Variants in HPCAL1 observed in about 807,000 individuals in gnomAD.
HPCAL1 encodes the protein hippocalcin like 1.
In HPCAL1, 8 loss-of-function variants were observed where a neutral mutation model predicts 17.1. That is an observed-to-expected ratio of 0.47 (90% confidence interval 0.27 to 0.84). The LOEUF is 0.84. Ranked by LOEUF, HPCAL1 falls within the 40% of genes least tolerant of loss-of-function variation. The pLI is 0.13. For synonymous variants in HPCAL1, 112 were observed against 111.4 expected (o/e 1.01, Z -0.03); for missense variants, 165 against 271.1 (o/e 0.61, Z 2.75).
intron 1 of HPCAL1, among the ~76,000 whole-genome samples, chr2:10,337,060 T>C (rs1010699518): frequency 6.6e-6 from 1 of 152,108 alleles, no homozygotes; most frequent in Non-Finnish European, 1.5e-5. Flanking sequence ...GCAGGAACAA[T>C]ATACCTCTTA....
chr2:10,382,823 C>T (rs568363821), intron 1 of HPCAL1, among the ~76,000 whole-genome samples: 20 of 152,296 alleles, frequency 1.3e-4, no homozygotes, highest in African/African-American at 4.8e-4. Context: ...CACAGCAAAC[C>T]AGCCGTGAAG....
intron 2 of HPCAL1, among the ~76,000 whole-genome samples, chr2:10,404,671 A>G (rs1363149423): frequency 6.6e-6 from 1 of 152,212 alleles, no homozygotes; most frequent in Middle Eastern, 3.2e-3. Flanking sequence ...CAGTTCTTGC[A>G]TCTTGGACCG....
chr2:10,308,879 A>G (rs1216004025), intron 1 of HPCAL1, among the ~76,000 whole-genome samples: 2 of 152,206 alleles, frequency 1.3e-5, no homozygotes, highest in Non-Finnish European at 2.9e-5. Context: ...GCAAATCAAA[A>G]ACAAAAACAA....
Position 10,384,034 on chromosome 2 carries a change from C to T in HPCAL1, c.-110-12801C>T, listed in dbSNP as rs1668146493. On this transcript the variant is annotated intron_variant, in intron 1 of 4. Coordinates refer to ENST00000307845, the MANE Select transcript of HPCAL1 (RefSeq NM_002149.4). This position sits in a 1 kb window ranked among gnomAD's most constrained non-coding sequence, Gnocchi z 4.4. ...CATCGCGTACACACACACACCCACA[C>T]ACACACACACCTTTTGCTGGTGGCT... 6.6e-6 allele frequency among the ~76,000 whole-genome samples: 1 copy of T among 151,562 alleles called. No individual in the cohort carries two copies. The highest frequency in any genetic ancestry group is 1.5e-5 in the Non-Finnish European group (1 of 67,914).
intron 2 of HPCAL1, among the ~76,000 whole-genome samples, chr2:10,410,424 T>TTTC (rs1321391966): frequency 7.0e-5 from 10 of 142,018 alleles, no homozygotes; most frequent in Non-Finnish European, 1.1e-4. Context: ...TGTTCCTCTT[T>TTTC]TTCTTCTTCT....
Position 10,392,201 on chromosome 2 carries a change from C to T in HPCAL1, c.-110-4634C>T, listed in dbSNP as rs192603926. ...GGGACTACCCCCATGCACCACCATG[C>T]CTAGCTTGTTTATTTATTTAGTAGC... On this transcript the variant is annotated intron_variant, in intron 1 of 4. Transcript: ENST00000307845. Among the ~76,000 whole-genome samples, 225 of 152,014 alleles carry T rather than the reference C, an allele frequency of 1.5e-3. 2 individuals carry two copies. Among genetic ancestry groups the T allele is most frequent in the Admixed American group, 0.013 (202 of 15,266 alleles).
At chr2:10,315,396 G>A (rs770668998) in intron 1 of HPCAL1, among the ~76,000 whole-genome samples, 13 of 152,086 alleles carry the variant, frequency 8.5e-5, no homozygotes, top group East Asian at 5.8e-4. Context: ...AAATGTTAAC[G>A]GTGGTTGTAT....
chr2:10,415,713 C>CG (rs1318933832), intron 2 of HPCAL1, among the ~76,000 whole-genome samples: 5 of 152,138 alleles, frequency 3.3e-5, no homozygotes, highest in Non-Finnish European at 2.9e-5. Flanking sequence ...CCCTGTTATT[C>CG]GGGGGGAGTC....
rs560832288 is a variant in HPCAL1, at chr2:10,317,551, G to A, written c.-111+14374G>A. 2.0e-5 allele frequency among the ~76,000 whole-genome samples: 3 copies of A among 152,006 alleles called. No homozygotes were observed. In the South Asian group the frequency reaches 6.2e-4, roughly 32 times the overall value. On this transcript the variant is annotated intron_variant, in intron 1 of 4. Transcript: ENST00000307845. ...TCCTGCCTCAACCTCCTGAGTATCTGGGAGTACCGGGATGCACCACCATGC... is the reference window on the plus strand; with the variant it reads ...TCCTGCCTCAACCTCCTGAGTATCTAGGAGTACCGGGATGCACCACCATGC...
Position 10,363,324 on chromosome 2 carries a change from C to T in HPCAL1, c.-110-33511C>T, listed in dbSNP as rs1309749988. Among the ~76,000 whole-genome samples the T allele has an allele frequency of 6.6e-6, 1 of 152,148 alleles. No individual in the cohort carries two copies. The highest frequency in any genetic ancestry group is 2.4e-5 in the African/African-American group (1 of 41,420). On this transcript the variant is annotated intron_variant, in intron 1 of 4. Coordinates refer to ENST00000307845, the MANE Select transcript of HPCAL1 (RefSeq NM_002149.4). This position sits in a 1 kb window ranked among gnomAD's most constrained non-coding sequence, Gnocchi z 4.7. ...AAAGTATTTCTGACTCCTGGAGCTCCACGGTGTGACAGGTGGGCAGGAGCT... is the reference window on the plus strand; with the variant it reads ...AAAGTATTTCTGACTCCTGGAGCTCTACGGTGTGACAGGTGGGCAGGAGCT...
intron 1 of HPCAL1, among the ~76,000 whole-genome samples, chr2:10,318,599 C>T (rs1020597061): frequency 2.0e-5 from 3 of 152,110 alleles, no homozygotes; most frequent in South Asian, 2.1e-4. Flanking sequence ...CATGTGCAGC[C>T]GGTGATTGGC....
intron 2 of HPCAL1, among the ~76,000 whole-genome samples, chr2:10,414,298 G>A (rs898595795): frequency 6.6e-6 from 1 of 152,166 alleles, no homozygotes; most frequent in Non-Finnish European, 1.5e-5. Context: ...ACTGTAACAC[G>A]GGACTGCAGA....
In HPCAL1 at chr2:10,344,362, C is replaced by T. The variant is rs559654376; in HGVS notation, c.-111+41185C>T. On this transcript the variant is annotated intron_variant, in intron 1 of 4. Coordinates refer to ENST00000307845, the MANE Select transcript of HPCAL1 (RefSeq NM_002149.4). This position sits in a 1 kb window ranked among gnomAD's most constrained non-coding sequence, Gnocchi z 4.9. ...AGGCCATGTGCCAGCAAGGGGGGCC[C>T]CGAAGTGCCGCTAGGTGCCTCACGA... Among the ~76,000 whole-genome samples the T allele has an allele frequency of 6.6e-6, 1 of 152,218 alleles. No individual in the cohort carries two copies. The highest frequency in any genetic ancestry group is 1.5e-5 in the Non-Finnish European group (1 of 68,044).
rs1662371273 is a variant in HPCAL1, at chr2:10,303,099, G to GGCCCGGGCCCGCTGCAGCC, written c.-185_-167dup. The GGCCCGGGCCCGCTGCAGCC allele has an allele frequency of 6.6e-6, 1 of 151,868 alleles. No individual in the cohort carries two copies. Among genetic ancestry groups the GGCCCGGGCCCGCTGCAGCC allele is most frequent in the African/African-American group, 2.4e-5 (1 of 41,386 alleles). The allele number at this position is 151,868 out of a possible 1,614,324, so 9.4% of individuals were successfully genotyped here. On this transcript the variant is annotated 5_prime_UTR_variant, in exon 1 of 5. Transcript: ENST00000307845. ...CCTCGGCGCGCTTGTCCCGGGCAGC[G>GGCCCGGGCCCGCTGCAGCC]GCCCGGGCCCGCTGCAGCCGCCGCC...
chr2:10,354,026 C>A lies in HPCAL1; in HGVS notation c.-110-42809C>A, dbSNP rs537372607. On this transcript the variant is annotated intron_variant, in intron 1 of 4. Coordinates refer to ENST00000307845, the MANE Select transcript of HPCAL1 (RefSeq NM_002149.4). The surrounding 1 kb of genome is among the most constrained non-coding windows in gnomAD (Gnocchi z 5.1). ...TAATGGTAAGTACCCATATTTAGAT[C>A]TTTTTTACTGTGGTTTTGTGATGTG... is the stretch of plus-strand genomic sequence containing the variant. 2.0e-5 allele frequency among the ~76,000 whole-genome samples: 3 copies of A among 152,208 alleles called. No homozygotes were observed. Among genetic ancestry groups the A allele is most frequent in the Admixed American group, 2.0e-4 (3 of 15,282 alleles).
chr2:10,370,620 A>G (rs1380806296), intron 1 of HPCAL1, among the ~76,000 whole-genome samples: 4 of 152,320 alleles, frequency 2.6e-5, no homozygotes, highest in South Asian at 2.1e-4. Context: ...CCATGATGCC[A>G]GGGCACATAG....
chr2:10,342,002 T>A lies in HPCAL1; in HGVS notation c.-111+38825T>A, dbSNP rs566194224. On this transcript the variant is annotated intron_variant, in intron 1 of 4. Coordinates refer to ENST00000307845, the MANE Select transcript of HPCAL1 (RefSeq NM_002149.4). This position sits in a 1 kb window ranked among gnomAD's most constrained non-coding sequence, Gnocchi z 4.1. ...GAGACTCTGTCTCTAGATAAAGTTTTTTTTTTTTTTTTAAATTAGCCAGAT... is the reference window on the plus strand; with the variant it reads ...GAGACTCTGTCTCTAGATAAAGTTTATTTTTTTTTTTTAAATTAGCCAGAT... Among the ~76,000 whole-genome samples, 2 of 151,658 alleles carry A rather than the reference T, an allele frequency of 1.3e-5. No individual in the cohort carries two copies. The highest frequency in any genetic ancestry group is 4.8e-5 in the African/African-American group (2 of 41,276).
chr2:10,375,179 C>T (rs544686301), intron 1 of HPCAL1, among the ~76,000 whole-genome samples: 25 of 152,368 alleles, frequency 1.6e-4, no homozygotes, highest in African/African-American at 6.0e-4. Flanking sequence ...GTACAGTGTG[C>T]CCTGCCCCAG....
chr2:10,338,645 T>C (rs1664870790), intron 1 of HPCAL1, among the ~76,000 whole-genome samples: 1 of 152,182 alleles, frequency 6.6e-6, no homozygotes, highest in Admixed American at 6.5e-5. Context: ...TCCTGAGTTA[T>C]GGTGCAGACC....
Sources: gnomAD v4.1 joint callset for allele counts (sites outside exome capture counted in the v4.1 genomes callset) on GRCh38, gnomAD v4.1.1 for gene constraint, Gnocchi (gnomAD v3.1) non-coding constraint, MANE v1.5 for transcripts, NCBI Gene and HGNC (gene_info 2026-07-23, HGNC 2026-07-21) for gene names.